The following NDST3 variants were observed in gnomAD, a reference collection of about 807,000 sequenced individuals.
NDST3 encodes bifunctional heparan sulfate N-deacetylase/N-sulfotransferase 3.
A neutral mutation model predicts 96.1 loss-of-function variants in NDST3; 58 were observed. The observed-to-expected ratio is 0.60, with a 90% confidence interval of 0.49 to 0.75. NDST3 has a LOEUF of 0.75. Ranked by LOEUF, NDST3 falls within the 30% of genes least tolerant of loss-of-function variation. The pLI, the probability that NDST3 is intolerant of heterozygous loss-of-function variation, is 0.00. For synonymous variants in NDST3, 333 were observed against 359.7 expected (o/e 0.93, Z 0.84); for missense variants, 788 against 1,034.2 (o/e 0.76, Z 3.27).
At chr4:118,104,471 G>GAT (rs1308935422) in intron 2 of NDST3, among the ~76,000 whole-genome samples, 1 of 152,118 alleles carries the variant, frequency 6.6e-6, no homozygotes, top group Non-Finnish European at 1.5e-5. Flanking sequence ...TCAGAAGTAG[G>GAT]ATATTTTATT....
At chr4:118,235,842 A>G (rs1470773979) in intron 9 of NDST3, among the ~76,000 whole-genome samples, 1 of 152,192 alleles carries the variant, frequency 6.6e-6, no homozygotes, top group Admixed American at 6.5e-5. Context: ...CAACAAGCCA[A>G]TTCCAGACAA....
intron 8 of NDST3, among the ~76,000 whole-genome samples, chr4:118,231,912 A>T (rs1740319438): frequency 6.6e-6 from 1 of 152,150 alleles, no homozygotes; most frequent in Non-Finnish European, 1.5e-5. Flanking sequence ...ACAGTTTATG[A>T]CATTGCTCAC....
chr4:118,072,082 G>C (rs1727125898), intron 2 of NDST3, among the ~76,000 whole-genome samples: 1 of 151,986 alleles, frequency 6.6e-6, no homozygotes, highest in African/African-American at 2.4e-5. Flanking sequence ...TGTTCCATTG[G>C]TTTATATGTC....
chr4:118,190,635 T>C (rs1279545073), intron 6 of NDST3, among the ~76,000 whole-genome samples: 2 of 152,122 alleles, frequency 1.3e-5, no homozygotes, highest in Admixed American at 6.5e-5. Context: ...GTGAAGACTA[T>C]ACCTGGAGAA....
At chr4:118,251,937 C>T (rs1741771751) in intron 12 of NDST3, among the ~76,000 whole-genome samples, 1 of 151,984 alleles carries the variant, frequency 6.6e-6, no homozygotes. Flanking sequence ...TGGTATAGCT[C>T]CCTTTTTTTC....
chr4:118,056,272 T>A (rs1725422828), intron 2 of NDST3, among the ~76,000 whole-genome samples: 1 of 151,840 alleles, frequency 6.6e-6, no homozygotes, highest in African/African-American at 2.4e-5. Context: ...GGTAAATAAA[T>A]CCCTGAGTTT....
chr4:118,075,254 T>C (rs1727425673), intron 2 of NDST3, among the ~76,000 whole-genome samples: 1 of 152,216 alleles, frequency 6.6e-6, no homozygotes, highest in Admixed American at 6.5e-5. Context: ...TGGCATAGTA[T>C]TCCATGGTGT....
chr4:118,136,696 T>G (rs182188068), intron 4 of NDST3, among the ~76,000 whole-genome samples: 71 of 152,284 alleles, frequency 4.7e-4, no homozygotes, highest in African/African-American at 1.7e-3. Flanking sequence ...AGCAAGATAG[T>G]GGCTCCCGTT....
In NDST3 at chr4:118,251,127, T is replaced by TA. The variant is rs1422960146; in HGVS notation, c.2400-2372_2400-2371insA. Among the ~76,000 whole-genome samples, 9 of 109,680 alleles carry TA rather than the reference T, an allele frequency of 8.2e-5. 1 individual carries two copies. The highest frequency in any genetic ancestry group is 6.2e-4 in the Admixed American group (6 of 9,688). 72.0% of individuals were successfully genotyped at this position (109,680 alleles called of 152,430 possible). A position where few individuals can be genotyped will look rare whatever the true frequency, so the allele number is the denominator to read the frequency against. ...TTATTTATTTATTTATTATTTTTAT[T>TA]TTATTTTTTTTTTTTTTGAGACGGA... On this transcript the variant is annotated intron_variant, in intron 12 of 13. Transcript: ENST00000296499.
At chr4:118,176,180 A>T (rs1736267996) in intron 6 of NDST3, among the ~76,000 whole-genome samples, 1 of 151,836 alleles carries the variant, frequency 6.6e-6, no homozygotes, top group Non-Finnish European at 1.5e-5. Context: ...TTAAGTCTTA[A>T]AAAAAACCCT....
At chr4:118,227,195 TCAAA>T (rs1324722949) in intron 8 of NDST3, among the ~76,000 whole-genome samples, 63 of 151,984 alleles carry the variant, frequency 4.1e-4, no homozygotes, top group South Asian at 2.1e-3. Context: ...GTCACACTGT[TCAAA>T]TATCCAGCAG....
At chr4:118,140,044 C>T (rs1415382434) in intron 5 of NDST3, among the ~76,000 whole-genome samples, 1 of 152,128 alleles carries the variant, frequency 6.6e-6, no homozygotes, top group Non-Finnish European at 1.5e-5. Flanking sequence ...GCTTCCATAT[C>T]CCCTAATGTG....
chr4:118,150,742 T>C (rs1734331432), intron 6 of NDST3, among the ~76,000 whole-genome samples: 2 of 151,272 alleles, frequency 1.3e-5, no homozygotes, highest in African/African-American at 4.9e-5. Context: ...AAACAACAGG[T>C]GCTGGAGAGG....
In NDST3 at chr4:118,251,004, C is replaced by A. The variant is rs1741669589; in HGVS notation, c.2400-2495C>A. 2.0e-5 allele frequency among the ~76,000 whole-genome samples: 3 copies of A among 150,840 alleles called. No individual in the cohort carries two copies. The South Asian group carries it at 6.2e-4, about 31-fold the overall frequency. ...TCCCTTATGGTTCATCCTAAGAAATCTTTGCCTAACCCAAGGTTGCAAAAT... is the reference window on the plus strand; with the variant it reads ...TCCCTTATGGTTCATCCTAAGAAATATTTGCCTAACCCAAGGTTGCAAAAT... On this transcript the variant is annotated intron_variant, in intron 12 of 13. Coordinates refer to ENST00000296499, the MANE Select transcript of NDST3 (RefSeq NM_004784.3).
chr4:118,041,682 C>T (rs1034130158), intron 1 of NDST3, among the ~76,000 whole-genome samples: 2 of 152,138 alleles, frequency 1.3e-5, no homozygotes, highest in Admixed American at 6.5e-5. Flanking sequence ...ATTCAGAGTA[C>T]CCTACTGACC....
rs536280232 is a variant in NDST3, at chr4:118,142,406, G to T, written c.1411-1150G>T. 8.9e-4 allele frequency among the ~76,000 whole-genome samples: 135 copies of T among 150,980 alleles called. 2 individuals are homozygous for T. Among genetic ancestry groups the T allele is most frequent in the Non-Finnish European group, 1.2e-3 (83 of 67,648 alleles). On this transcript the variant is annotated intron_variant, in intron 5 of 13. Coordinates refer to ENST00000296499, the MANE Select transcript of NDST3 (RefSeq NM_004784.3). ...CAGTATTATATAATACTATCCAAGG[G>T]CTAGACGAAAATTTATTTTAATACA...
intron 12 of NDST3, among the ~76,000 whole-genome samples, chr4:118,251,724 T>G (rs1741751398): frequency 6.6e-6 from 1 of 152,218 alleles, no homozygotes; most frequent in African/African-American, 2.4e-5. Flanking sequence ...TTAAATAGTA[T>G]GAGATCTCCA....
chr4:118,227,368 CT>C (rs1314696890), intron 8 of NDST3, among the ~76,000 whole-genome samples: 2 of 151,940 alleles, frequency 1.3e-5, no homozygotes, highest in African/African-American at 2.4e-5. Flanking sequence ...TAATAAATCC[CT>C]TCTAGAAAAA....
At chr4:118,050,356 C>T (rs1410346753) in intron 1 of NDST3, among the ~76,000 whole-genome samples, 1 of 150,838 alleles carries the variant, frequency 6.6e-6, no homozygotes, top group African/African-American at 2.4e-5. Flanking sequence ...ACTCCTATAG[C>T]ACTGGAAGTC....
Sources: allele counts gnomAD v4.1 joint callset (sites outside exome capture counted in the v4.1 genomes callset), GRCh38; gene constraint gnomAD v4.1.1; transcripts MANE v1.5; gene names NCBI Gene and HGNC (gene_info 2026-07-23, HGNC 2026-07-21).